Variants in NRG1 observed in about 807,000 individuals in gnomAD.
NRG1 encodes the protein neuregulin 1.
NRG1 carries 18 observed loss-of-function variants against 63.8 expected under a neutral mutation model. The observed-to-expected ratio is 0.28, with a 90% CI of 0.19 to 0.42. The LOEUF (loss-of-function observed/expected upper bound fraction) is 0.42, where lower values mean the gene tolerates loss of function less well. NRG1 is among the 10% of genes least tolerant of loss of function. The pLI, the probability that NRG1 is intolerant of heterozygous loss-of-function variation, is 1.00. For missense variants in NRG1, 762 were observed against 814.7 expected (o/e 0.94, Z 0.79); for synonymous variants, 302 against 301.3 (o/e 1.00, Z -0.02).
At chr8:32,188,745 G>C (rs1469264499) in intron 1 of NRG1, among the ~76,000 whole-genome samples, 2 of 152,010 alleles carry the variant, frequency 1.3e-5, no homozygotes, top group African/African-American at 2.4e-5. Flanking sequence ...CTCACTCATA[G>C]GTGGGACTTG....
intron 1 of NRG1, among the ~76,000 whole-genome samples, chr8:32,259,446 A>G (rs1042806788): frequency 6.6e-6 from 1 of 152,090 alleles, no homozygotes; most frequent in African/African-American, 2.4e-5. Context: ...TCATCCTTCC[A>G]CCTTCTGCCA....
chr8:31,987,039 C>T (rs1189842147), intron 1 of NRG1, among the ~76,000 whole-genome samples: 1 of 152,034 alleles, frequency 6.6e-6, no homozygotes, highest in Non-Finnish European at 1.5e-5. Flanking sequence ...GTGGCTCACG[C>T]CTATAATCCT....
intron 5 of NRG1, among the ~76,000 whole-genome samples, chr8:32,722,196 G>A (rs1820841376): frequency 6.6e-6 from 1 of 152,184 alleles, no homozygotes; most frequent in Non-Finnish European, 1.5e-5. Flanking sequence ...AGCTGTGGGT[G>A]AGGACTAATT....
At chr8:32,398,937 T>A (rs187758749) in intron 1 of NRG1, among the ~76,000 whole-genome samples, 1 of 152,300 alleles carries the variant, frequency 6.6e-6, no homozygotes, top group Admixed American at 6.5e-5. Flanking sequence ...TTTTTTGAGA[T>A]TATATATATT....
chr8:32,548,751 G>C (rs1366426588), exon 1 of NRG1: 2 of 1,589,674 alleles, frequency 1.3e-6, no homozygotes, highest in South Asian at 1.1e-5. Flanking sequence ...AGAAGGCAGA[G>C]GCAAAGGGAA....
At chr8:32,613,748 T>C (rs1371588130) in intron 3 of NRG1, among the ~76,000 whole-genome samples, 4 of 152,102 alleles carry the variant, frequency 2.6e-5, no homozygotes, top group African/African-American at 9.7e-5. Context: ...CCAGGCTTCA[T>C]AAAACTGTAC....
At chr8:31,973,239 G>A (rs1441787122) in intron 1 of NRG1, among the ~76,000 whole-genome samples, 2 of 152,112 alleles carry the variant, frequency 1.3e-5, no homozygotes, top group African/African-American at 4.8e-5. Context: ...TGGATATACA[G>A]GCTTTTGGGC....
chr8:32,103,260 T>C (rs1830803694), intron 1 of NRG1, among the ~76,000 whole-genome samples: 1 of 152,152 alleles, frequency 6.6e-6, no homozygotes, highest in African/African-American at 2.4e-5. Context: ...ATTTTTACAT[T>C]CAGTAAATGA....
At chr8:31,963,463 G>A (rs535236993) in intron 1 of NRG1, among the ~76,000 whole-genome samples, 11 of 152,198 alleles carry the variant, frequency 7.2e-5, no homozygotes, top group African/African-American at 1.2e-4. Context: ...CAGTGCCTAC[G>A]GGTATAAGGC....
chr8:32,000,050 T>A (rs1812666601), intron 1 of NRG1, among the ~76,000 whole-genome samples: 1 of 152,014 alleles, frequency 6.6e-6, no homozygotes, highest in Non-Finnish European at 1.5e-5. Flanking sequence ...TCAGCATGGC[T>A]AGAGGACAGG....
chr8:32,193,963 C>T (rs1360234623), intron 1 of NRG1, among the ~76,000 whole-genome samples: 1 of 152,190 alleles, frequency 6.6e-6, no homozygotes, highest in East Asian at 1.9e-4. Flanking sequence ...CCTGTGGACA[C>T]CTTGATCTCA....
intron 1 of NRG1, among the ~76,000 whole-genome samples, chr8:31,672,008 G>A (rs888747016): frequency 6.6e-6 from 1 of 152,152 alleles, no homozygotes; most frequent in African/African-American, 2.4e-5. Context: ...AAAATGTATT[G>A]AATGTCACTA....
intron 5 of NRG1, among the ~76,000 whole-genome samples, chr8:32,713,371 G>A (rs1014428601): frequency 1.2e-4 from 18 of 151,958 alleles, no homozygotes; most frequent in African/African-American, 3.4e-4. Flanking sequence ...TTCCGGTTTC[G>A]GTAAACTATC....
At chr8:32,765,631 A>G (rs1421689527) in exon 12 of NRG1, 2 of 152,060 alleles carry the variant, frequency 1.3e-5, no homozygotes, top group Non-Finnish European at 2.9e-5. Flanking sequence ...AACATTTTTT[A>G]TCAGGAATGG....
intron 1 of NRG1, among the ~76,000 whole-genome samples, chr8:32,534,738 A>G (rs1368505484): frequency 6.6e-6 from 1 of 152,184 alleles, no homozygotes; most frequent in Non-Finnish European, 1.5e-5. Context: ...GTATAAACCA[A>G]TCTGGATGGT....
chr8:32,098,551 A>G (rs16878799), intron 1 of NRG1: 5,755 of 152,158 alleles, frequency 0.038, 263 homozygotes, highest in African/African-American at 0.11. Context: ...GTGAAATATG[A>G]CTCCATTAAA....
intron 1 of NRG1, among the ~76,000 whole-genome samples, chr8:32,209,044 G>A (rs553367331): frequency 6.6e-6 from 1 of 152,198 alleles, no homozygotes; most frequent in East Asian, 1.9e-4. Context: ...TCCTGTCTCT[G>A]CCATTTACTA....
At chr8:32,657,148 CT>C (rs1169586742) in intron 5 of NRG1, among the ~76,000 whole-genome samples, 1 of 151,648 alleles carries the variant, frequency 6.6e-6, no homozygotes, top group Non-Finnish European at 1.5e-5. Context: ...GAGAGCAACA[CT>C]GAAGACAATG....
chr8:31,979,771 A>C (rs1006623122), intron 1 of NRG1, among the ~76,000 whole-genome samples: 1 of 152,102 alleles, frequency 6.6e-6, no homozygotes, highest in African/African-American at 2.4e-5. Flanking sequence ...TTACAGTAAA[A>C]CTGTATCCCA....
Sources: allele counts gnomAD v4.1 joint callset (sites outside exome capture counted in the v4.1 genomes callset), GRCh38; gene constraint gnomAD v4.1.1; transcripts MANE v1.5; gene names NCBI Gene and HGNC (gene_info 2026-07-23, HGNC 2026-07-21).